LRFN1: variants seen among roughly 807,000 people sequenced by gnomAD.
LRFN1 encodes leucine-rich repeat and fibronectin type III domain-containing protein 1.
In LRFN1, 20 loss-of-function variants were observed where a neutral mutation model predicts 31.8. That is an observed-to-expected ratio of 0.63 (90% CI 0.44 to 0.91). The LOEUF is 0.91. Ranked by LOEUF, LRFN1 falls within the 40% of genes least tolerant of loss-of-function variation. LRFN1 has a pLI of 0.00. For missense variants in LRFN1, 912 were observed against 1,129.8 expected, an observed-to-expected ratio of 0.81 and a Z score of 2.76; for synonymous variants, 514 against 541.3, an observed-to-expected ratio of 0.95 and a Z score of 0.70.
rs756616593 is a variant in LRFN1 at position 39,308,234 on chromosome 19, C to G, written c.1715G>C (p.Gly572Ala). 2 of 1,612,172 alleles carry G rather than the reference C, an allele frequency of 1.2e-6. No individual in the cohort carries two copies. Among genetic ancestry groups the G allele is most frequent in the Non-Finnish European group, 1.7e-6 (2 of 1,179,078 alleles). ...GCTGACCCGCGGGAGCGACCTGGAG[C>G]CCTTGACGCGGCGGCTGTCCCCGTC... ...YGDGDSRRVK[G>A]SRSLPRVSHV... Residue 572 changes from glycine (G) to alanine (A), a missense_variant, in exon 5 of 5, where the codon GGC becomes GCC. This residue lies in a region of LRFN1 where 511 missense variants were observed against 557.0 expected (regional missense o/e 0.92). Coordinates refer to ENST00000248668, the MANE Select transcript of LRFN1 (RefSeq NM_020862.2). This position sits in a 1 kb window ranked among gnomAD's most constrained non-coding sequence, Gnocchi z 6.2.
Position 39,307,724 on chromosome 19 carries a change from G to A in LRFN1, c.2225C>T (p.Ala742Val), listed in dbSNP as rs62643365. 2.8e-4 allele frequency: 413 copies of A among 1,501,638 alleles called. 2 individuals are homozygous for A. The African/African-American group carries it at 5.3e-3, about 19-fold the overall frequency. 93.0% of individuals were successfully genotyped at this position (1,501,638 alleles called of 1,614,324 possible). The stretch of plus-strand genomic sequence containing the variant: ...CCCCAGGTCTCCATCCTCCCCGGCC[G>A]CGCCCCCTCCAGCCCCGTCCAGGTG... The part of the protein sequence containing the change: ...TPHLDGAGGG[A>V]AGEDGDLGLG... The change falls in exon 5 of 5, where the codon GCG becomes GTG. Residue 742 changes from alanine (A) to valine (V), a missense_variant. By Grantham distance (64) the Ala-to-Val change is moderately conservative. Coordinates refer to ENST00000248668, the MANE Select transcript of LRFN1 (RefSeq NM_020862.2). This position sits in a 1 kb window ranked among gnomAD's most constrained non-coding sequence, Gnocchi z 6.7.
rs1221031406 is a variant in LRFN1 at position 39,308,265 on chromosome 19, A to T, written c.1684T>A (p.Tyr562Asn). ...ACGCGGCGGCTGTCCCCGTCGCCAT[A>T]CACCTTATAGCGGATCATGAGCAGA... ...IVLLMIRYKV[Y>N]GDGDSRRVKG... Residue 562 changes from tyrosine (Y) to asparagine (N), a missense_variant, in exon 5 of 5, where the codon TAT becomes AAT. Tyr to Asn is a moderately radical substitution (Grantham distance 143). Coordinates refer to ENST00000248668, the MANE Select transcript of LRFN1 (RefSeq NM_020862.2). The surrounding 1 kb of genome is among the most constrained non-coding windows in gnomAD (Gnocchi z 6.2). 6.2e-7 allele frequency: 1 copy of T among 1,613,106 alleles called. No homozygotes were observed. Among genetic ancestry groups the T allele is most frequent in the Admixed American group, 1.7e-5 (1 of 59,998 alleles).
At position 39,319,229 on chromosome 19, in the gene LRFN1, CCCT is replaced by C. The variant is rs374041040; in HGVS notation, c.-125-874_-125-872del. Among the ~76,000 whole-genome samples the C allele has an allele frequency of 2.1e-4, 32 of 152,282 alleles. No individual in the cohort carries two copies. In the East Asian group the frequency reaches 3.9e-3, roughly 18 times the overall value. On this transcript the variant is annotated intron_variant, in intron 1 of 4. Coordinates refer to ENST00000248668, the MANE Select transcript of LRFN1 (RefSeq NM_020862.2). ...GATACAACAGAGAAACTCATGTGCCCCCTAACAGACAACCAGGTACATGCATTT... is the reference window on the plus strand; with the variant it reads ...GATACAACAGAGAAACTCATGTGCCCAACAGACAACCAGGTACATGCATTT...
intron 2 of LRFN1, 141 bp from the exon 3 acceptor site, chr19:39,316,277 A>C (rs1385720090): frequency 6.6e-6 from 1 of 152,212 alleles, no homozygotes; most frequent in Non-Finnish European, 1.5e-5. Flanking sequence ...TCAAGTGCTT[A>C]ATATGTACCA....
In LRFN1 at chr19:39,313,132, A is replaced by C. The variant is rs574943140; in HGVS notation, c.1406+799T>G. Among the ~76,000 whole-genome samples the C allele has an allele frequency of 2.0e-5, 3 of 152,328 alleles. No homozygotes were observed. In the South Asian group the frequency reaches 6.2e-4, roughly 32 times the overall value. ...CACCAGGGCAATGGCTTCAAACCCAAGTGAGGGTGGAAATAACATATTTTT... is the reference window on the plus strand; with the variant it reads ...CACCAGGGCAATGGCTTCAAACCCACGTGAGGGTGGAAATAACATATTTTT... On this transcript the variant is annotated intron_variant, in intron 4 of 4. Transcript: ENST00000248668.
chr19:39,319,727 C>T (rs571434090), intron 1 of LRFN1, among the ~76,000 whole-genome samples: 52 of 152,212 alleles, frequency 3.4e-4, no homozygotes, highest in Non-Finnish European at 5.6e-4. Context: ...CTACTTACTT[C>T]CCAGGCCCAA....
chr19:39,313,025 G>C (rs921864453), intron 4 of LRFN1, among the ~76,000 whole-genome samples: 1 of 152,154 alleles, frequency 6.6e-6, no homozygotes, highest in Non-Finnish European at 1.5e-5. Context: ...GACAGACAGA[G>C]AGGTGAAAGG....
chr19:39,310,517 C>A (rs1190906590), intron 4 of LRFN1, among the ~76,000 whole-genome samples: 1 of 152,192 alleles, frequency 6.6e-6, no homozygotes, highest in Non-Finnish European at 1.5e-5. Context: ...TAGGCCTTGG[C>A]CCTCTTCTGT....
Position 39,308,457 on chromosome 19 carries a change from C to T in LRFN1, c.1492G>A (p.Asp498Asn). The change falls in exon 5 of 5, where the codon GAC (aspartate) becomes AAC (asparagine). Residue 498 changes from aspartate (D) to asparagine (N), a missense_variant. Physicochemically the swap from Asp to Asn is conservative, Grantham distance 23. This residue lies in a region of LRFN1 where 511 missense variants were observed against 557.0 expected (regional missense o/e 0.92). Coordinates refer to ENST00000248668, the MANE Select transcript of LRFN1 (RefSeq NM_020862.2). This position sits in a 1 kb window ranked among gnomAD's most constrained non-coding sequence, Gnocchi z 6.2. ...AYDLCVLAVY[D>N]DGATALPATR... ...GCCGGCAGCGCTGTGGCCCCGTCGT[C>T]GTAGACCGCCAGCACGCACAAGTCG... is the stretch of plus-strand genomic sequence containing the variant. 6.2e-7 allele frequency: 1 copy of T among 1,609,094 alleles called. No homozygotes were observed. The highest frequency in any genetic ancestry group is 8.5e-7 in the Non-Finnish European group (1 of 1,179,612).
chr19:39,312,609 T>C (rs953223091), intron 4 of LRFN1, among the ~76,000 whole-genome samples: 1 of 151,840 alleles, frequency 6.6e-6, no homozygotes, highest in Non-Finnish European at 1.5e-5. Context: ...TCAAGACCTG[T>C]CTGGGCAATA....
intron 4 of LRFN1, 100 bp downstream of exon 4, chr19:39,313,831 G>C (rs2075159403): frequency 1.8e-6 from 2 of 1,137,318 alleles, no homozygotes; most frequent in Admixed American, 2.4e-5. Context: ...CAGCCATCTA[G>C]AACCCTGGCT....
rs1187413864 is a variant in LRFN1 at position 39,313,921 on chromosome 19, C to A, written c.1406+10G>T. 1.3e-6 allele frequency: 2 copies of A among 1,576,416 alleles called. No individual in the cohort carries two copies. The highest frequency in any genetic ancestry group is 2.3e-5 in the South Asian group (2 of 88,870). On this transcript the variant is annotated intron_variant, in intron 4 of 4. Transcript: ENST00000248668. ...GGAGGAGGCCCTGGGACTGCAGCAC[C>A]CGCACCCACCTGTAGACGAGGGAGT...
chr19:39,317,311 G>A (rs939860129), intron 2 of LRFN1, among the ~76,000 whole-genome samples: 2 of 152,102 alleles, frequency 1.3e-5, no homozygotes, highest in African/African-American at 2.4e-5. Flanking sequence ...AGGCCGGATC[G>A]GGGTGTCCTA....
In LRFN1 at chr19:39,308,017, G is replaced by T; in HGVS notation, c.1932C>A (p.Gly644=). 2 of 1,563,992 alleles carry T rather than the reference G, an allele frequency of 1.3e-6. No homozygotes were observed. The highest frequency in any genetic ancestry group is 1.8e-5 in the Admixed American group (1 of 54,854). Residue 644 remains glycine, a synonymous_variant, in exon 5 of 5, where the codon GGC becomes GGA. Coordinates refer to ENST00000248668, the MANE Select transcript of LRFN1 (RefSeq NM_020862.2). The surrounding 1 kb of genome is among the most constrained non-coding windows in gnomAD (Gnocchi z 6.2). ...GCAGGCACAGCGAGGTGGCCGAGCC[G>T]CCCAGAGAACGTCCAAGGACCACCT... ...EPEVVLGRSL[G]GSATSLCLLP...
chr19:39,320,452 G>T (rs1411621801), intron 1 of LRFN1, among the ~76,000 whole-genome samples: 1 of 151,716 alleles, frequency 6.6e-6, no homozygotes, highest in Non-Finnish European at 1.5e-5. Context: ...GCTTGGGGGG[G>T]ACCCACACCT....
At chr19:39,319,563 A>G (rs901687603) in intron 1 of LRFN1, among the ~76,000 whole-genome samples, 1 of 152,178 alleles carries the variant, frequency 6.6e-6, no homozygotes, top group Non-Finnish European at 1.5e-5. Context: ...TAACAGACAC[A>G]TGCTCACACA....
intron 2 of LRFN1, among the ~76,000 whole-genome samples, chr19:39,316,734 G>A (rs899707644): frequency 2.6e-5 from 4 of 152,010 alleles, no homozygotes; most frequent in South Asian, 2.1e-4. Context: ...ACACACTCAC[G>A]CTATGTCTCT....
In LRFN1 at chr19:39,315,817, T is replaced by C. The variant is rs2075170582; in HGVS notation, c.-38+265A>G. 6.6e-6 allele frequency among the ~76,000 whole-genome samples: 1 copy of C among 152,142 alleles called. No homozygotes were observed. ...CTGGGCGACAGAGCAAGACTCCATC[T>C]TAAAACATAAATAAAAATAAAAATA... On this transcript the variant is annotated intron_variant, in intron 3 of 4. Coordinates refer to ENST00000248668, the MANE Select transcript of LRFN1 (RefSeq NM_020862.2). The surrounding 1 kb of genome is among the most constrained non-coding windows in gnomAD (Gnocchi z 4.7).
rs774123864 is a variant in LRFN1 at position 39,308,524 on chromosome 19, A to G, written c.1425T>C (p.Ser475=). 1.3e-6 allele frequency: 2 copies of G among 1,593,936 alleles called. No homozygotes were observed. Among genetic ancestry groups the G allele is most frequent in the Non-Finnish European group, 1.7e-6 (2 of 1,176,634 alleles). The change falls in exon 5 of 5, where the codon AGT becomes AGC. Residue 475 remains serine, a synonymous_variant. Coordinates refer to ENST00000248668, the MANE Select transcript of LRFN1 (RefSeq NM_020862.2). This position sits in a 1 kb window ranked among gnomAD's most constrained non-coding sequence, Gnocchi z 6.2. ...SLVYRMIPST[S]QTFLVNDLAA... is the part of the protein sequence containing the mutation. Reference sequence around the variant, plus strand: ...CCAGGTCATTCACCAGGAAGGTCTGACTGGTGGACGGGATCATCCTGTAGG... The same window carrying G: ...CCAGGTCATTCACCAGGAAGGTCTGGCTGGTGGACGGGATCATCCTGTAGG...
Sources: gnomAD v4.1 joint callset for allele counts (sites outside exome capture counted in the v4.1 genomes callset) on GRCh38, gnomAD v4.1.1 for gene constraint, gnomAD v4.1.1 regional missense constraint, Gnocchi (gnomAD v3.1) non-coding constraint, MANE v1.5 for transcripts, NCBI Gene and HGNC (gene_info 2026-07-23, HGNC 2026-07-21) for gene names.